The following CCL20 variants were observed in gnomAD, a reference collection of about 807,000 sequenced individuals.
The protein encoded by CCL20 is C-C motif chemokine 20.
In CCL20, 8 loss-of-function variants were observed where a neutral mutation model predicts 10.8. That is an observed-to-expected ratio of 0.74 (90% CI 0.44 to 1.34). CCL20 has a LOEUF of 1.34. Ranked by LOEUF, CCL20 falls within the 40% of genes most tolerant of loss-of-function variation. The pLI is 0.01. For synonymous variants in CCL20, 40 were observed against 39.4 expected, an observed-to-expected ratio of 1.02 and a Z score of -0.06; for missense variants, 107 against 117.9, an observed-to-expected ratio of 0.91 and a Z score of 0.43.
At chr2:227,815,344 A>G in intron 1 of CCL20, 110 bp from the exon 2 acceptor site, 3 of 627,792 alleles carry the variant, frequency 4.8e-6, no homozygotes, top group Non-Finnish European at 8.4e-6. Context: ...TATTCGTCAT[A>G]TACATGAGAT....
At chr2:227,814,450 A>G (rs1366137083) in intron 1 of CCL20, among the ~76,000 whole-genome samples, 2 of 152,224 alleles carry the variant, frequency 1.3e-5, no homozygotes, top group Non-Finnish European at 2.9e-5. Flanking sequence ...ATTGCTTGCC[A>G]ACTTTAAAAT....
At chr2:227,816,978 G>A (rs1203644315) in intron 3 of CCL20, 84 bp from the exon 4 acceptor site, 2 of 1,043,284 alleles carry the variant, frequency 1.9e-6, no homozygotes, top group African/African-American at 3.1e-5. Flanking sequence ...AAGGGCAGGT[G>A]AAGCAACCTT....
At chr2:227,816,976 G>A (rs970657982) in intron 3 of CCL20, 86 bp from the exon 4 acceptor site, 9 of 1,019,290 alleles carry the variant, frequency 8.8e-6, no homozygotes, top group Middle Eastern at 2.1e-4. Flanking sequence ...TTAAGGGCAG[G>A]TGAAGCAACC....
rs114291769 is a variant in CCL20 at position 227,815,679 on chromosome 2, C to T, written c.191+111C>T. 2,084 of 627,742 alleles carry T rather than the reference C, an allele frequency of 3.3e-3. 39 individuals carry two copies. In the African/African-American group the frequency reaches 0.034, roughly 10 times the overall value. The allele number at this position is 627,742 out of a possible 1,614,324, so 38.9% of individuals were successfully genotyped here. ...ATTCAGAAATTACTGATGTTTTGAACATAAGATCTTATTTTAAAGAGAAAG... is the reference window on the plus strand; with the variant it reads ...ATTCAGAAATTACTGATGTTTTGAATATAAGATCTTATTTTAAAGAGAAAG... On this transcript the variant is annotated intron_variant, in intron 2 of 3. Transcript: ENST00000358813.
Position 227,813,844 on chromosome 2 carries a change from A to G in CCL20, c.-68A>G, listed in dbSNP as rs1689982716. On this transcript the variant is annotated 5_prime_UTR_variant, in exon 1 of 4. Transcript: ENST00000358813. ...TAGGGCCATCCCAGGCTGCTGTCAGAATATAACAGCACTCCCAAAGAACTG... is the reference window on the plus strand; with the variant it reads ...TAGGGCCATCCCAGGCTGCTGTCAGGATATAACAGCACTCCCAAAGAACTG... 2 of 1,209,238 alleles carry G rather than the reference A, an allele frequency of 1.7e-6. No individual in the cohort carries two copies. Among genetic ancestry groups the G allele is most frequent in the Admixed American group, 3.4e-5 (2 of 59,116 alleles). The allele number at this position is 1,209,238 out of a possible 1,614,324, so 74.9% of individuals were successfully genotyped here. A position where few individuals can be genotyped will look rare whatever the true frequency, so the allele number is the denominator to read the frequency against.
chr2:227,816,306 G>A lies in CCL20; in HGVS notation c.192-1G>A, dbSNP rs1175636236. ...ACAAATCAAATTTTCTGATTTTTCA[G>A]CTTTCACACAAAGAAAAAGTTGTCT... On this transcript the variant is annotated splice_acceptor_variant, in intron 2 of 3. Coordinates refer to ENST00000358813, the MANE Select transcript of CCL20 (RefSeq NM_004591.3). LOFTEE classifies it high-confidence loss of function. 3 of 1,600,398 alleles carry A rather than the reference G, an allele frequency of 1.9e-6. No homozygotes were observed. In the South Asian group the frequency reaches 3.3e-5, roughly 18 times the overall value.
intron 2 of CCL20, 77 bp from the exon 3 acceptor site, chr2:227,816,230 A>G: frequency 1.2e-6 from 1 of 808,418 alleles, no homozygotes. Context: ...ACTGGAATAT[A>G]AAATTTCCAT....
chr2:227,814,252 A>T (rs1689988669), intron 1 of CCL20, among the ~76,000 whole-genome samples: 1 of 152,074 alleles, frequency 6.6e-6, no homozygotes, highest in Non-Finnish European at 1.5e-5. Flanking sequence ...AGCCAAAGTG[A>T]TGTTTCTGGG....
chr2:227,814,047 T>G, intron 1 of CCL20, 60 bp downstream of exon 1: 1 of 1,468,884 alleles, frequency 6.8e-7, no homozygotes. Flanking sequence ...CCTTTTAGCC[T>G]TGAGCTCAAC....
chr2:227,815,096 G>A (rs572564472), intron 1 of CCL20, among the ~76,000 whole-genome samples: 1 of 152,256 alleles, frequency 6.6e-6, no homozygotes, highest in African/African-American at 2.4e-5. Context: ...AAGCAGTAGG[G>A]AAGGGGCTGC....
At chr2:227,816,532 AT>A in intron 3 of CCL20, 148 bp downstream of exon 3, 1 of 482,950 alleles carries the variant, frequency 2.1e-6, no homozygotes, top group Non-Finnish European at 3.7e-6. Context: ...AAAACAAAGA[AT>A]GCATTTTTCC....
rs1049617 is a variant in CCL20, at chr2:227,815,516, G to A, written c.139G>A (p.Val47Met). The A allele has an allele frequency of 6.2e-7, 1 of 1,609,458 alleles. No homozygotes were observed. Among genetic ancestry groups the A allele is most frequent in the Non-Finnish European group, 8.5e-7 (1 of 1,178,248 alleles). ...TDRILHPKFI[V>M]GFTRQLANEG... is the part of the protein sequence containing the mutation. ...CCGTATTCTTCATCCTAAATTTATT[G>A]TGGGCTTCACACGGCAGCTGGCCAA... The change falls in exon 2 of 4, where the codon GTG (valine) becomes ATG (methionine). Residue 47 changes from valine (V) to methionine (M), a missense_variant. Val to Met is a conservative substitution (Grantham distance 21). Transcript: ENST00000358813.
At position 227,817,295 on chromosome 2, in the gene CCL20, A is replaced by C; in HGVS notation, c.*212A>C. On this transcript the variant is annotated 3_prime_UTR_variant, in exon 4 of 4. Coordinates refer to ENST00000358813, the MANE Select transcript of CCL20 (RefSeq NM_004591.3). ...TTAAAGTTAAACTGTATTTTATGTT[A>C]TTTATAGCTGTAGGTTTTCTGTGTT... 2.7e-6 allele frequency: 1 copy of C among 369,730 alleles called. No individual in the cohort carries two copies. The highest frequency in any genetic ancestry group is 5.0e-6 in the Non-Finnish European group (1 of 201,912). The allele number at this position is 369,730 out of a possible 1,614,324, so 22.9% of individuals were successfully genotyped here.
intron 2 of CCL20, chr2:227,815,989 A>G: frequency 3.6e-6 from 1 of 278,136 alleles, no homozygotes; most frequent in Non-Finnish European, 6.7e-6. Flanking sequence ...TATATAGGAT[A>G]TTATATTTTG....
chr2:227,813,993 T>G lies in CCL20; in HGVS notation c.76+6T>G. On this transcript the variant is annotated splice_donor_region_variant and intron_variant, in intron 1 of 3. Transcript: ENST00000358813. ...CCTCTGCGGCGAATCAGAAGGTAAG[T>G]GTCGCTCTTTCCGCTAGCACAGAAG... 1 of 1,612,562 alleles carries G rather than the reference T, an allele frequency of 6.2e-7. No individual in the cohort carries two copies.
Position 227,815,506 on chromosome 2 carries a change from T to G in CCL20, c.129T>G (p.Pro43=), listed in dbSNP as rs780425512. 6 of 1,612,182 alleles carry G rather than the reference T, an allele frequency of 3.7e-6. No homozygotes were observed. In the East Asian group the frequency reaches 1.1e-4, roughly 30 times the overall value. The part of the protein sequence containing the change: ...CLGYTDRILH[P]KFIVGFTRQL... ...GATACACAGACCGTATTCTTCATCC[T>G]AAATTTATTGTGGGCTTCACACGGC... is the stretch of plus-strand genomic sequence containing the variant. The change falls in exon 2 of 4, where the codon CCT becomes CCG. Residue 43 remains proline, a synonymous_variant. Transcript: ENST00000358813.
chr2:227,814,081 A>T, intron 1 of CCL20, 94 bp downstream of exon 1: 1 of 1,060,600 alleles, frequency 9.4e-7, no homozygotes, highest in Non-Finnish European at 1.5e-6. Context: ...GGGATGGAAA[A>T]CTGTTAGGAA....
rs1038525551 is a variant in CCL20, at chr2:227,815,494, T to C, written c.117T>C (p.Arg39=). The change falls in exon 2 of 4, where the codon CGT becomes CGC. Residue 39 remains arginine, a synonymous_variant. Coordinates refer to ENST00000358813, the MANE Select transcript of CCL20 (RefSeq NM_004591.3). ...NFDCCLGYTD[R]ILHPKFIVGF... ...ACTGCTGTCTTGGATACACAGACCG[T>C]ATTCTTCATCCTAAATTTATTGTGG... 3 of 1,611,196 alleles carry C rather than the reference T, an allele frequency of 1.9e-6. No individual in the cohort carries two copies. The South Asian group carries it at 3.3e-5, about 18-fold the overall frequency.
At chr2:227,815,608 T>C (rs1690013682) in intron 2 of CCL20, 40 bp downstream of exon 2, 1 of 1,130,160 alleles carries the variant, frequency 8.8e-7, no homozygotes, top group African/African-American at 1.6e-5. Flanking sequence ...GTATCAGGAA[T>C]ACCTAGAAAC....
Sources: allele counts gnomAD v4.1 joint callset (sites outside exome capture counted in the v4.1 genomes callset), GRCh38; gene constraint gnomAD v4.1.1; transcripts MANE v1.5; gene names NCBI Gene and HGNC (gene_info 2026-07-23, HGNC 2026-07-21).